The following GPLD1 variants were observed in gnomAD, a reference collection of about 807,000 sequenced individuals.
GPLD1 encodes the protein glycosylphosphatidylinositol specific phospholipase D1.
A neutral mutation model predicts 112.6 loss-of-function variants in GPLD1; 84 were observed. That is an observed-to-expected ratio of 0.75 (90% CI 0.63 to 0.89). The LOEUF (loss-of-function observed/expected upper bound fraction) is 0.89, where lower values mean the gene tolerates loss of function less well. GPLD1 is among the 40% of genes least tolerant of loss of function. The pLI, the probability that GPLD1 is intolerant of heterozygous loss-of-function variation, is 0.00. For missense variants in GPLD1, 1,044 were observed against 1,051.5 expected, an observed-to-expected ratio of 0.99 and a Z score of 0.10; for synonymous variants, 386 against 403.8, an observed-to-expected ratio of 0.96 and a Z score of 0.53.
rs1312678284 is a variant in GPLD1, at chr6:24,427,313, T to C, written c.*1719A>G. ...CAAGGCCTGCTTTCCTCTCCGGCCC[T>C]TACAGTAGCGTGTGGCTCAGGCCAC... On this transcript the variant is annotated 3_prime_UTR_variant, in exon 25 of 25. Transcript: ENST00000230036. 1.3e-5 allele frequency among the ~76,000 whole-genome samples: 2 copies of C among 152,324 alleles called. No individual in the cohort carries two copies. Among genetic ancestry groups the C allele is most frequent in the Admixed American group, 6.5e-5 (1 of 15,302 alleles).
At chr6:24,457,354 G>T (rs2127346015) in intron 12 of GPLD1, among the ~76,000 whole-genome samples, 1 of 152,056 alleles carries the variant, frequency 6.6e-6, no homozygotes, top group South Asian at 2.1e-4. Flanking sequence ...GGTGGAGCGT[G>T]CCTGTAATCC....
chr6:24,475,402 C>T (rs1033457603), intron 4 of GPLD1, among the ~76,000 whole-genome samples, 171 bp from the exon 5 acceptor site: 1 of 151,806 alleles, frequency 6.6e-6, no homozygotes, highest in Non-Finnish European at 1.5e-5. Context: ...AGGCCAGGTG[C>T]AGTGGCTCTT....
chr6:24,439,827 C>T (rs556114465), intron 20 of GPLD1, among the ~76,000 whole-genome samples: 68 of 152,318 alleles, frequency 4.5e-4, no homozygotes, highest in African/African-American at 1.6e-3. Context: ...AGAATTCCTT[C>T]TGTAATGCTT....
chr6:24,494,901 C>G, intron 1 of GPLD1: 2 of 1,207,502 alleles, frequency 1.7e-6, no homozygotes. Context: ...CGCGCGTCCC[C>G]GGCGCCTCCT....
chr6:24,440,083 T>C (rs902403428), intron 20 of GPLD1, among the ~76,000 whole-genome samples: 2 of 148,772 alleles, frequency 1.3e-5, no homozygotes, highest in African/African-American at 2.4e-5. Context: ...CACAGGTGCA[T>C]CTCACCAACT....
At chr6:24,487,485 TTA>T (rs1236523658) in intron 1 of GPLD1, among the ~76,000 whole-genome samples, 1 of 150,046 alleles carries the variant, frequency 6.7e-6, no homozygotes, top group Non-Finnish European at 1.5e-5. Context: ...GGGCAAGCAA[TTA>T]TCTGGTTTTA....
intron 3 of GPLD1, among the ~76,000 whole-genome samples, chr6:24,479,533 A>C (rs1319340033): frequency 6.6e-6 from 1 of 152,226 alleles, no homozygotes. Flanking sequence ...TCTGTGGATA[A>C]GTGACTTTTT....
At chr6:24,479,988 G>C in intron 2 of GPLD1, 29 bp from the exon 3 acceptor site, 1 of 1,421,906 alleles carries the variant, frequency 7.0e-7, no homozygotes, top group Non-Finnish European at 1.0e-6. Context: ...CAGAGATTAA[G>C]GGGCAGGAGT....
chr6:24,446,765 T>G lies in GPLD1; in HGVS notation c.1820+73A>C, dbSNP rs185388757. On this transcript the variant is annotated intron_variant, in intron 18 of 24. Coordinates refer to ENST00000230036, the MANE Select transcript of GPLD1 (RefSeq NM_001503.4). ...TCCTAGCCCTTTTCCCTCAGCCTCA[T>G]GCTCAGTGCGCTCCATAGCAGCAGG... The G allele has an allele frequency of 2.1e-6, 3 of 1,442,828 alleles. No homozygotes were observed. The Admixed American group carries it at 6.5e-5, about 31-fold the overall frequency. The allele number at this position is 1,442,828 out of a possible 1,614,324, so 89.4% of individuals were successfully genotyped here.
intron 4 of GPLD1, 145 bp from the exon 5 acceptor site, chr6:24,475,376 T>C (rs1267573288): frequency 3.3e-6 from 2 of 613,010 alleles, no homozygotes; most frequent in Non-Finnish European, 5.8e-6. Context: ...TTTCTAGTTA[T>C]TAAAAACCAC....
chr6:24,460,208 G>T, intron 12 of GPLD1, 71 bp downstream of exon 12: 1 of 1,547,272 alleles, frequency 6.5e-7, no homozygotes, highest in Non-Finnish European at 8.9e-7. Context: ...TAAATACCCA[G>T]GGACTCAGCG....
intron 18 of GPLD1, among the ~76,000 whole-genome samples, chr6:24,446,388 G>A (rs1362233010): frequency 6.6e-6 from 1 of 151,878 alleles, no homozygotes; most frequent in Non-Finnish European, 1.5e-5. Context: ...CACACGACTT[G>A]TAGTCCCAGC....
chr6:24,433,676 G>T, intron 22 of GPLD1: 1 of 298,848 alleles, frequency 3.3e-6, no homozygotes, highest in South Asian at 4.0e-5. Context: ...TGTATTTTTA[G>T]TAGAGAGGCG....
At chr6:24,488,272 C>T (rs1764443708) in intron 1 of GPLD1, among the ~76,000 whole-genome samples, 1 of 151,936 alleles carries the variant, frequency 6.6e-6, no homozygotes, top group South Asian at 2.1e-4. Context: ...ATTAGCCAGG[C>T]GTGGTGGCGG....
At chr6:24,491,846 T>C (rs1356181173), upstream of GPLD1, among the ~76,000 whole-genome samples, 1 of 152,354 alleles carries the variant, frequency 6.6e-6, no homozygotes, top group Non-Finnish European at 1.5e-5. Context: ...TTGCTTAGTG[T>C]GATAGTTATG....
chr6:24,491,699 CA>C (rs143383793), upstream of GPLD1, among the ~76,000 whole-genome samples: 193 of 134,488 alleles, frequency 1.4e-3, no homozygotes, highest in Middle Eastern at 3.9e-3. Flanking sequence ...GACCCCACCT[CA>C]AAAAAAAAAA....
chr6:24,468,623 G>A (rs573675951), intron 7 of GPLD1, among the ~76,000 whole-genome samples: 15 of 151,026 alleles, frequency 9.9e-5, no homozygotes, highest in East Asian at 9.8e-4. Context: ...GTGCGATATC[G>A]GTTCACCGCA....
chr6:24,490,129 G>A (rs914338654), upstream of GPLD1, among the ~76,000 whole-genome samples: 6 of 152,156 alleles, frequency 3.9e-5, no homozygotes, highest in Admixed American at 3.9e-4. Context: ...CTCTACCTCT[G>A]GCTGTTCTAA....
upstream of GPLD1, among the ~76,000 whole-genome samples, chr6:24,490,100 G>C (rs1484991251): frequency 6.6e-6 from 1 of 152,176 alleles, no homozygotes; most frequent in East Asian, 1.9e-4. Flanking sequence ...GATTACACAA[G>C]AGCAGCCACT....
Sources: allele counts gnomAD v4.1 joint callset (sites outside exome capture counted in the v4.1 genomes callset), GRCh38; gene constraint gnomAD v4.1.1; transcripts MANE v1.5; gene names NCBI Gene and HGNC (gene_info 2026-07-23, HGNC 2026-07-21).